Variants in TRIM36 observed in about 807,000 individuals in gnomAD.
TRIM36 encodes E3 ubiquitin-protein ligase TRIM36.
Under a neutral mutation model 72.4 loss-of-function variants are expected in TRIM36, and 42 were observed. That is an observed-to-expected ratio of 0.58 (90% CI 0.45 to 0.75). The LOEUF is 0.75. TRIM36 is among the 30% of genes least tolerant of loss of function. The probability of loss-of-function intolerance (pLI) is 0.00; values close to 1 mark genes in which losing one functional copy is unlikely to be tolerated. For synonymous variants in TRIM36, 315 were observed against 282.8 expected (o/e 1.11, Z -1.14); for missense variants, 913 against 857.1 (o/e 1.07, Z -0.81).
intron 9 of TRIM36, 139 bp downstream of exon 9, chr5:115,130,453 C>T: frequency 4.5e-6 from 4 of 884,398 alleles, no homozygotes; most frequent in Non-Finnish European, 6.7e-6. Context: ...ATACCCGGCT[C>T]CTTTTCTCAA....
intron 2 of TRIM36, chr5:115,159,723 T>C (rs761535787): frequency 4.5e-6 from 2 of 440,510 alleles, no homozygotes; most frequent in Non-Finnish European, 9.0e-6. Context: ...AAAGAGAAGA[T>C]TCACAACTTG....
chr5:115,163,609 G>A lies in TRIM36; in HGVS notation c.171C>T (p.Asn57=), dbSNP rs139866682. 2.9e-5 allele frequency: 46 copies of A among 1,614,022 alleles called. No individual in the cohort carries two copies. Among genetic ancestry groups the A allele is most frequent in the East Asian group, 6.7e-5 (3 of 44,892 alleles). The change falls in exon 2 of 10, where the codon AAC becomes AAT. Residue 57 remains asparagine (N), a synonymous_variant. Coordinates refer to ENST00000513154, the MANE Select transcript of TRIM36 (RefSeq NM_001300759.2). ...GATTGGAGTTGTCTGATCCCACATC[G>A]TTGAATGAATCATCGAGAGTCAGCA... is the stretch of plus-strand genomic sequence containing the variant. The part of the protein sequence containing the change: ...ELLLTLDDSF[N]DVGSDNSNQS...
At chr5:115,177,621 G>A (rs1377723484) in intron 1 of TRIM36, 19 of 1,524,892 alleles carry the variant, frequency 1.2e-5, no homozygotes, top group Non-Finnish European at 1.6e-5. Context: ...TAGTGCTGGG[G>A]CTGCGGGGCG....
At position 115,166,439 on chromosome 5, in the gene TRIM36, G is replaced by A. The variant is rs146125858; in HGVS notation, c.28-2687C>T. 1.4e-4 allele frequency among the ~76,000 whole-genome samples: 22 copies of A among 152,222 alleles called. No homozygotes were observed. In the East Asian group the frequency reaches 2.5e-3, roughly 17 times the overall value. ...CCTGCAGAGAGGAGGTACCCACTCC[G>A]GGTCTCTTCTCTGCTGAGAGCTGCA... On this transcript the variant is annotated intron_variant, in intron 1 of 9. Transcript: ENST00000513154.
chr5:115,132,634 T>C lies in TRIM36; in HGVS notation c.1498+1226A>G, dbSNP rs538828009. On this transcript the variant is annotated intron_variant, in intron 8 of 9. Coordinates refer to ENST00000513154, the MANE Select transcript of TRIM36 (RefSeq NM_001300759.2). ...GACCATTCTTCCTGCTAATGCCTCT[T>C]TTCCTGGCATGATTATTTGTGCTTG... Among the ~76,000 whole-genome samples the C allele has an allele frequency of 8.5e-5, 13 of 152,242 alleles. No homozygotes were observed. In the South Asian group the frequency reaches 2.1e-3, roughly 24 times the overall value.
chr5:115,128,624 C>A (rs1230352564), intron 9 of TRIM36, among the ~76,000 whole-genome samples: 1 of 144,244 alleles, frequency 6.9e-6, no homozygotes, highest in African/African-American at 2.5e-5. Flanking sequence ...CGGTGGCGGG[C>A]GCCTGTAGTC....
chr5:115,163,403 A>T, intron 2 of TRIM36, 115 bp downstream of exon 2: 2 of 846,374 alleles, frequency 2.4e-6, no homozygotes, highest in Non-Finnish European at 3.7e-6. Context: ...TAATTTATTC[A>T]CCTGGAAAAA....
At chr5:115,150,234 T>C (rs889065148) in intron 2 of TRIM36, among the ~76,000 whole-genome samples, 1 of 152,190 alleles carries the variant, frequency 6.6e-6, no homozygotes, top group Non-Finnish European at 1.5e-5. Context: ...GCAATGGAAT[T>C]AAGAACAAAA....
chr5:115,174,169 C>T (rs1466477634), upstream of TRIM36: 2 of 152,220 alleles, frequency 1.3e-5, no homozygotes, highest in African/African-American at 4.8e-5. Context: ...AGATTAAATT[C>T]ATGGCTGGGT....
intron 1 of TRIM36, among the ~76,000 whole-genome samples, chr5:115,164,944 G>A (rs1754681877): frequency 6.6e-6 from 1 of 152,168 alleles, no homozygotes; most frequent in South Asian, 2.1e-4. Context: ...GGGAAAAATT[G>A]GCCAAAACAA....
intron 1 of TRIM36, among the ~76,000 whole-genome samples, chr5:115,178,674 T>C (rs1262834579): frequency 6.6e-6 from 1 of 152,076 alleles, no homozygotes; most frequent in African/African-American, 2.4e-5. Context: ...GGAAGAAAAG[T>C]GGAAGGAGAG....
At chr5:115,172,760 A>G (rs916328314), upstream of TRIM36, among the ~76,000 whole-genome samples, 4 of 151,986 alleles carry the variant, frequency 2.6e-5, no homozygotes, top group African/African-American at 9.7e-5. Context: ...GTACAAAACC[A>G]TAAGGATTCT....
At chr5:115,133,086 G>A (rs78721636) in intron 8 of TRIM36, among the ~76,000 whole-genome samples, 2,102 of 152,282 alleles carry the variant, frequency 0.014, 54 homozygotes, top group African/African-American at 0.048. Flanking sequence ...ACACTAAAAA[G>A]AGGCAAGGGA....
intron 2 of TRIM36, 150 bp downstream of exon 2, chr5:115,163,368 G>A: frequency 1.6e-6 from 1 of 637,526 alleles, no homozygotes; most frequent in Non-Finnish European, 2.7e-6. Flanking sequence ...TAACAGTGGG[G>A]GAGGCCCCTT....
At position 115,126,461 on chromosome 5, in the gene TRIM36, T is replaced by C; in HGVS notation, c.*42A>G. The C allele has an allele frequency of 6.5e-7, 1 of 1,528,754 alleles. No homozygotes were observed. Among genetic ancestry groups the C allele is most frequent in the Non-Finnish European group, 8.9e-7 (1 of 1,118,058 alleles). 94.7% of individuals were successfully genotyped at this position (1,528,754 alleles called of 1,614,324 possible). A position where few individuals can be genotyped will look rare whatever the true frequency, so the allele number is the denominator to read the frequency against. ...ACGAAGGTTAACGCTAAGGCATTGC[T>C]TTGTTTACAGTTTTTATCCTGAGTC... is the stretch of plus-strand genomic sequence containing the variant. On this transcript the variant is annotated 3_prime_UTR_variant, in exon 10 of 10. Coordinates refer to ENST00000513154, the MANE Select transcript of TRIM36 (RefSeq NM_001300759.2).
At chr5:115,167,271 T>C (rs1610072) in intron 1 of TRIM36, among the ~76,000 whole-genome samples, 69,314 of 152,076 alleles carry the variant, frequency 0.46, 18,494 homozygotes, top group African/African-American at 0.75. Flanking sequence ...TTAATGCACC[T>C]GTTTGGCCCT....
chr5:115,132,557 A>G (rs916823318), intron 8 of TRIM36, among the ~76,000 whole-genome samples: 3 of 151,652 alleles, frequency 2.0e-5, no homozygotes, highest in Non-Finnish European at 4.4e-5. Flanking sequence ...AAAGAAAAAA[A>G]AAAAAAAAAA....
chr5:115,147,182 A>G lies in TRIM36; in HGVS notation c.475T>C (p.Cys159Arg). The change falls in exon 3 of 10, where the codon TGC (cysteine) becomes CGC (arginine). Residue 159 changes from cysteine (C) to arginine (R), a missense_variant. Coordinates refer to ENST00000513154, the MANE Select transcript of TRIM36 (RefSeq NM_001300759.2). ...KPPPQESTKS[C>R]MDCSASYCNE... ...CAGTAACTTGCACTACAGTCCATGCAGCTTTTTGTGGATTCTTGAGGTGGT... is the reference window on the plus strand; with the variant it reads ...CAGTAACTTGCACTACAGTCCATGCGGCTTTTTGTGGATTCTTGAGGTGGT... The G allele has an allele frequency of 6.2e-7, 1 of 1,614,216 alleles. No individual in the cohort carries two copies.
Position 115,133,944 on chromosome 5 carries a change from A to T in TRIM36, c.1414T>A (p.Tyr472Asn). Residue 472 changes from tyrosine to asparagine, a missense_variant, in exon 8 of 10, where the codon TAT becomes AAT. Physicochemically the swap from Tyr to Asn is moderately radical, Grantham distance 143 (BLOSUM62 -2). Transcript: ENST00000513154. ...TTGTAAGCTCTTACTCTGAAAGCAT[A>T]GGTACTACTGTTTTCCAAGTCTTGA... Reference protein sequence around the residue: ...IIQDLENSSTYAFRVRAYKGS... With the variant: ...IIQDLENSSTNAFRVRAYKGS... 1 of 1,613,704 alleles carries T rather than the reference A, an allele frequency of 6.2e-7. No individual in the cohort carries two copies. Among genetic ancestry groups the T allele is most frequent in the Non-Finnish European group, 8.5e-7 (1 of 1,179,854 alleles).
Sources: allele counts gnomAD v4.1 joint callset (sites outside exome capture counted in the v4.1 genomes callset), GRCh38; gene constraint gnomAD v4.1.1; transcripts MANE v1.5; gene names NCBI Gene and HGNC (gene_info 2026-07-23, HGNC 2026-07-21).